The following CNTN5 variants were observed in gnomAD, a reference collection of about 807,000 sequenced individuals.
CNTN5 encodes the protein contactin-5.
Under a neutral mutation model 129.1 loss-of-function variants are expected in CNTN5, and 77 were observed. The observed-to-expected ratio is 0.60, with a 90% CI of 0.50 to 0.72. The LOEUF (loss-of-function observed/expected upper bound fraction) is 0.72. CNTN5 is among the 30% of genes least tolerant of loss of function. The pLI is 0.00. For missense variants in CNTN5, 1,478 were observed against 1,328.8 expected (o/e 1.11, Z -1.75); for synonymous variants, 509 against 465.6 (o/e 1.09, Z -1.20).
intron 9 of CNTN5, among the ~76,000 whole-genome samples, chr11:100,015,903 A>T (rs1468177782): frequency 6.6e-6 from 1 of 152,100 alleles, no homozygotes; most frequent in Non-Finnish European, 1.5e-5. Flanking sequence ...TAATTATATG[A>T]TGTCAGAAAT....
chr11:99,419,674 G>A (rs570728601), intron 2 of CNTN5, among the ~76,000 whole-genome samples: 7 of 152,102 alleles, frequency 4.6e-5, no homozygotes, highest in African/African-American at 1.7e-4. Flanking sequence ...ACAGTAGATT[G>A]AGTTGTTCAG....
chr11:99,994,751 G>C (rs537043475), intron 8 of CNTN5, among the ~76,000 whole-genome samples: 5 of 152,278 alleles, frequency 3.3e-5, no homozygotes, highest in African/African-American at 1.2e-4. Flanking sequence ...TTCTAAACAG[G>C]ATGCCTGGAG....
Position 99,279,731 on chromosome 11 carries a change from C to T in CNTN5, c.-209-45615C>T, listed in dbSNP as rs1042259713. ...TTTTTTACATTGCTTGATTATGATGCTGAAGTTCAGAATTTTAAAAATGCT... is the reference window on the plus strand; with the variant it reads ...TTTTTTACATTGCTTGATTATGATGTTGAAGTTCAGAATTTTAAAAATGCT... On this transcript the variant is annotated intron_variant, in intron 1 of 24. Coordinates refer to ENST00000524871, the MANE Select transcript of CNTN5 (RefSeq NM_014361.4). Among the ~76,000 whole-genome samples the T allele has an allele frequency of 5.9e-5, 9 of 151,590 alleles. 1 individual carries two copies. In the South Asian group the frequency reaches 1.7e-3, roughly 28 times the overall value.
chr11:99,085,596 A>G (rs2135298260), intron 1 of CNTN5, among the ~76,000 whole-genome samples: 1 of 152,318 alleles, frequency 6.6e-6, no homozygotes, highest in Admixed American at 6.5e-5. Context: ...GTCTCCAAAG[A>G]CACATTAGCT....
chr11:99,602,653 A>G (rs948482902), intron 3 of CNTN5, among the ~76,000 whole-genome samples: 5 of 140,094 alleles, frequency 3.6e-5, no homozygotes, highest in African/African-American at 1.1e-4. Flanking sequence ...TGTGCAATGT[A>G]AAAAAAAAAA....
Position 99,261,091 on chromosome 11 carries a change from TA to T in CNTN5, c.-209-64247del, listed in dbSNP as rs893082354. ...CTACCATGCCATTATATTCAACCAGTAAAAAAAATGCAGTCCTAAAATACAT... is the reference window on the plus strand; with the variant it reads ...CTACCATGCCATTATATTCAACCAGTAAAAAAATGCAGTCCTAAAATACAT... On this transcript the variant is annotated intron_variant, in intron 1 of 24. Coordinates refer to ENST00000524871, the MANE Select transcript of CNTN5 (RefSeq NM_014361.4). Among the ~76,000 whole-genome samples, 113 of 151,728 alleles carry T rather than the reference TA, an allele frequency of 7.4e-4. 1 individual carries two copies. The highest frequency in any genetic ancestry group is 2.7e-3 in the African/African-American group (110 of 41,454).
Position 99,039,608 on chromosome 11 carries a change from C to T in CNTN5, c.-210+18338C>T, listed in dbSNP as rs761124286. ...ACACAAAGAATGCTAGCTGGAGTCA[C>T]GTACATTTCAGAGTCACACAATTAA... On this transcript the variant is annotated intron_variant, in intron 1 of 24. Transcript: ENST00000524871. Among the ~76,000 whole-genome samples, 15 of 152,084 alleles carry T rather than the reference C, an allele frequency of 9.9e-5. 1 individual carries two copies. Among genetic ancestry groups the T allele is most frequent in the African/African-American group, 2.9e-4 (12 of 41,432 alleles).
chr11:99,360,560 C>T (rs1939036256), intron 2 of CNTN5, among the ~76,000 whole-genome samples: 1 of 152,208 alleles, frequency 6.6e-6, no homozygotes. Context: ...GAGGTAGACA[C>T]TGGCCTGGAG....
At chr11:99,057,785 A>AGTGTGTGTGTGTGTGTGT (rs67721084) in intron 1 of CNTN5, among the ~76,000 whole-genome samples, 4 of 144,914 alleles carry the variant, frequency 2.8e-5, no homozygotes, top group East Asian at 2.1e-4. Context: ...ATGAAACATA[A>AGTGTGTGTGTGTGTGTGT]GTGTGTGTGT....
chr11:100,275,254 T>C (rs977418338), intron 18 of CNTN5, among the ~76,000 whole-genome samples: 8 of 152,226 alleles, frequency 5.3e-5, no homozygotes, highest in African/African-American at 1.7e-4. Flanking sequence ...CCTGGTTAGA[T>C]TTTCATGCAT....
chr11:99,114,318 G>C (rs1409267951), intron 1 of CNTN5, among the ~76,000 whole-genome samples: 1 of 152,022 alleles, frequency 6.6e-6, no homozygotes, highest in Non-Finnish European at 1.5e-5. Context: ...TGTCATAATA[G>C]TGGAGAAACT....
intron 2 of CNTN5, among the ~76,000 whole-genome samples, chr11:99,348,595 A>T (rs1938073770): frequency 6.6e-6 from 1 of 152,186 alleles, no homozygotes; most frequent in African/African-American, 2.4e-5. Context: ...TCCTTAGTTT[A>T]ATCACTTCTT....
chr11:100,141,041 C>A (rs1946684191), intron 13 of CNTN5, among the ~76,000 whole-genome samples: 1 of 151,972 alleles, frequency 6.6e-6, no homozygotes, highest in African/African-American at 2.4e-5. Flanking sequence ...ATCCAGGTTT[C>A]CATTGGAACA....
chr11:99,142,568 C>G (rs1366377523), intron 1 of CNTN5, among the ~76,000 whole-genome samples: 1 of 152,124 alleles, frequency 6.6e-6, no homozygotes, highest in Admixed American at 6.6e-5. Context: ...CTGGGAAAGA[C>G]TGGCAGACCA....
At chr11:100,018,464 T>A (rs1020487831) in intron 9 of CNTN5, among the ~76,000 whole-genome samples, 2 of 151,970 alleles carry the variant, frequency 1.3e-5, no homozygotes, top group African/African-American at 4.8e-5. Context: ...TTAGAATTAT[T>A]ATCTTAAGAT....
intron 6 of CNTN5, among the ~76,000 whole-genome samples, chr11:99,913,982 G>C (rs1949725851): frequency 6.6e-6 from 1 of 152,080 alleles, no homozygotes; most frequent in Admixed American, 6.6e-5. Context: ...AAGCATGGTG[G>C]CTTTCCCCTA....
At chr11:99,244,441 G>T (rs1257393767) in intron 1 of CNTN5, among the ~76,000 whole-genome samples, 1 of 151,992 alleles carries the variant, frequency 6.6e-6, no homozygotes, top group African/African-American at 2.4e-5. Flanking sequence ...GTAGAAAATT[G>T]GTTTGGAATA....
rs148132262 is a variant in CNTN5, at chr11:99,599,865, A to G, written c.55+43596A>G. ...TTTACAAAAAGACATTTAAAAGTCA[A>G]TAAAACTAGATCATTAATATTTAAT... On this transcript the variant is annotated intron_variant, in intron 3 of 24. Transcript: ENST00000524871. 1.7e-3 allele frequency among the ~76,000 whole-genome samples: 260 copies of G among 152,296 alleles called. 2 individuals are homozygous for G. Among genetic ancestry groups the G allele is most frequent in the African/African-American group, 5.7e-3 (235 of 41,570 alleles).
At chr11:100,240,193 T>G (rs954986422) in intron 16 of CNTN5, among the ~76,000 whole-genome samples, 1 of 152,110 alleles carries the variant, frequency 6.6e-6, no homozygotes, top group Admixed American at 6.5e-5. Context: ...ATCCATTATA[T>G]GGAACATCTG....
Sources: allele counts gnomAD v4.1 joint callset (sites outside exome capture counted in the v4.1 genomes callset), GRCh38; gene constraint gnomAD v4.1.1; transcripts MANE v1.5; gene names NCBI Gene and HGNC (gene_info 2026-07-23, HGNC 2026-07-21).